DISP1: variants seen among roughly 807,000 people sequenced by gnomAD.
DISP1 encodes protein dispatched homolog 1.
A neutral mutation model predicts 37.3 loss-of-function variants in DISP1; 30 were observed. That is an observed-to-expected ratio of 0.80 (90% confidence interval 0.60 to 1.09). The LOEUF is 1.09. Among genes scored for constraint, DISP1 ranks in the 50% least tolerant of loss-of-function variants. The pLI is 0.00. For synonymous variants in DISP1, 634 were observed against 690.2 expected, an observed-to-expected ratio of 0.92 and a Z score of 1.28; for missense variants, 1,598 against 1,879.5, an observed-to-expected ratio of 0.85 and a Z score of 2.77.
intron 1 of DISP1, among the ~76,000 whole-genome samples, chr1:222,826,315 A>C (rs1274696148): frequency 6.7e-6 from 1 of 149,338 alleles, no homozygotes; most frequent in African/African-American, 2.5e-5. Context: ...CTGTAACCTG[A>C]TTATTAGTAA....
At chr1:222,991,810 A>G (rs1678715229) in intron 6 of DISP1, among the ~76,000 whole-genome samples, 163 bp downstream of exon 6, 1 of 152,146 alleles carries the variant, frequency 6.6e-6, no homozygotes, top group African/African-American at 2.4e-5. Context: ...ATTTTGTTGT[A>G]GTAGGATGAA....
intron 2 of DISP1, among the ~76,000 whole-genome samples, chr1:222,934,350 G>A (rs540277911): frequency 6.6e-6 from 1 of 152,168 alleles, no homozygotes; most frequent in South Asian, 2.1e-4. Context: ...TTGACATAGT[G>A]AGATGATTAA....
chr1:222,883,616 AAAAT>A (rs539695965), intron 1 of DISP1, among the ~76,000 whole-genome samples: 12 of 152,186 alleles, frequency 7.9e-5, no homozygotes, highest in Admixed American at 2.6e-4. Flanking sequence ...ACTCTGTCTC[AAAAT>A]AAATAAATAA....
chr1:222,893,119 C>T lies in DISP1; in HGVS notation c.-158-35311C>T, dbSNP rs1007913743. On this transcript the variant is annotated intron_variant, in intron 1 of 8. Coordinates refer to ENST00000675850, the MANE Select transcript of DISP1 (RefSeq NM_001377229.1). This position sits in a 1 kb window ranked among gnomAD's most constrained non-coding sequence, Gnocchi z 4.3. ...TCAGGTATAGATCATTTTTATGTTA[C>T]GAAAATATCGATCTTATCACAATAC... Among the ~76,000 whole-genome samples, 8 of 151,900 alleles carry T rather than the reference C, an allele frequency of 5.3e-5. No homozygotes were observed. Among genetic ancestry groups the T allele is most frequent in the South Asian group, 2.1e-4 (1 of 4,816 alleles).
chr1:222,988,886 C>T (rs1013592942), intron 4 of DISP1, among the ~76,000 whole-genome samples: 1 of 152,200 alleles, frequency 6.6e-6, no homozygotes, highest in African/African-American at 2.4e-5. Flanking sequence ...CTCCTGACCT[C>T]AGGTGATCTG....
intron 2 of DISP1, among the ~76,000 whole-genome samples, chr1:222,929,519 G>T (rs1342464987): frequency 6.6e-6 from 1 of 152,036 alleles, no homozygotes; most frequent in Non-Finnish European, 1.5e-5. Context: ...AGGTATTCTT[G>T]TTGAACGAAG....
chr1:222,983,616 C>CA lies in DISP1; in HGVS notation c.539+518dup, dbSNP rs1286745563. Among the ~76,000 whole-genome samples, 210 of 145,906 alleles carry CA rather than the reference C, an allele frequency of 1.4e-3. 2 individuals are homozygous for CA. The East Asian group carries it at 0.02, about 14-fold the overall frequency. On this transcript the variant is annotated intron_variant, in intron 4 of 8. Coordinates refer to ENST00000675850, the MANE Select transcript of DISP1 (RefSeq NM_001377229.1). The stretch of plus-strand genomic sequence containing the variant: ...TGGGGGACAGAGCAAGACTCCATCT[C>CA]AAAAAAAAAAATATTTGTGCGTAAA...
At chr1:222,875,080 G>T (rs934447058) in intron 1 of DISP1, among the ~76,000 whole-genome samples, 6 of 152,132 alleles carry the variant, frequency 3.9e-5, no homozygotes, top group African/African-American at 1.2e-4. Context: ...AAGGAGGTAA[G>T]TAGAGGATAG....
chr1:222,889,394 C>T (rs1670818855), intron 1 of DISP1, among the ~76,000 whole-genome samples: 1 of 151,992 alleles, frequency 6.6e-6, no homozygotes, highest in African/African-American at 2.4e-5. Flanking sequence ...TCCTCAGTTC[C>T]TTAAGCCTCC....
At chr1:222,910,323 A>G (rs1163713763) in intron 1 of DISP1, among the ~76,000 whole-genome samples, 1 of 152,166 alleles carries the variant, frequency 6.6e-6, no homozygotes, top group Non-Finnish European at 1.5e-5. Flanking sequence ...TGATTGCACT[A>G]TGGCACTCCA....
At position 223,005,266 on chromosome 1, in the gene DISP1, T is replaced by TG; in HGVS notation, c.3874dup (p.Asp1292GlyfsTer12). The TG allele has an allele frequency of 6.2e-7, 1 of 1,613,886 alleles. No individual in the cohort carries two copies. The highest frequency in any genetic ancestry group is 1.1e-5 in the South Asian group (1 of 91,074). ...TATGGCCCACACTCTTGCCAGCAGA[T>TG]GGGGGACTGCTTGTGCCACCAGTGC... On this transcript the variant is annotated frameshift_variant, in exon 9 of 9. Transcript: ENST00000675850. LOFTEE classifies it low-confidence loss of function (END_TRUNC).
chr1:222,966,124 A>G (rs1264353410), intron 3 of DISP1, among the ~76,000 whole-genome samples: 1 of 152,196 alleles, frequency 6.6e-6, no homozygotes, highest in African/African-American at 2.4e-5. Context: ...TACACTGTAA[A>G]TCAGTGTAAT....
chr1:222,871,325 A>C (rs1351483823), intron 1 of DISP1, among the ~76,000 whole-genome samples: 3 of 152,172 alleles, frequency 2.0e-5, no homozygotes, highest in Admixed American at 6.5e-5. Context: ...CAATTCTGTG[A>C]AGAAAGTCAT....
At chr1:222,817,125 ATTCT>A (rs1243136679) in intron 1 of DISP1, among the ~76,000 whole-genome samples, 4 of 152,316 alleles carry the variant, frequency 2.6e-5, no homozygotes, top group African/African-American at 9.6e-5. Flanking sequence ...TTGGAATTGT[ATTCT>A]TTCTTCTAAT....
intron 4 of DISP1, among the ~76,000 whole-genome samples, chr1:222,984,435 T>TATAGAGAGAGAG (rs67660273): frequency 3.8e-4 from 41 of 108,364 alleles, no homozygotes; most frequent in African/African-American, 7.2e-4. Context: ...TATATATATA[T>TATAGAGAGAGAG]AGAGAGAGAG....
intron 2 of DISP1, among the ~76,000 whole-genome samples, chr1:222,933,226 T>C (rs1319266711): frequency 7.9e-5 from 12 of 151,960 alleles, no homozygotes; most frequent in Admixed American, 7.9e-4. Flanking sequence ...CTGGAAACTT[T>C]AATTTTTCTT....
intron 1 of DISP1, among the ~76,000 whole-genome samples, chr1:222,834,800 G>A (rs1209609052): frequency 6.6e-6 from 1 of 152,128 alleles, no homozygotes; most frequent in Non-Finnish European, 1.5e-5. Context: ...CATGAGCTGT[G>A]TGATATTGGG....
intron 1 of DISP1, among the ~76,000 whole-genome samples, chr1:222,833,561 GTAGGAAAGGC>G (rs1666295443): frequency 6.6e-6 from 1 of 152,184 alleles, no homozygotes; most frequent in African/African-American, 2.4e-5. Flanking sequence ...GGAGAAGGGC[GTAGGAAAGGC>G]TTGGTGCTGT....
chr1:222,856,983 T>C (rs1668589638), intron 1 of DISP1, among the ~76,000 whole-genome samples: 1 of 152,110 alleles, frequency 6.6e-6, no homozygotes, highest in Non-Finnish European at 1.5e-5. Flanking sequence ...GGATTACAGG[T>C]GTGAGCCACT....
Sources: gnomAD v4.1 joint callset for allele counts (sites outside exome capture counted in the v4.1 genomes callset) on GRCh38, gnomAD v4.1.1 for gene constraint, Gnocchi (gnomAD v3.1) non-coding constraint, MANE v1.5 for transcripts, NCBI Gene and HGNC (gene_info 2026-07-23, HGNC 2026-07-21) for gene names.